Variants in ACVR1 observed in about 807,000 individuals in gnomAD.
The protein encoded by ACVR1 is activin A receptor type 1, also known as activin receptor type-1.
Under a neutral mutation model 57.1 loss-of-function variants are expected in ACVR1, and 38 were observed. The ratio of observed to expected loss-of-function variants is 0.67; its 90% CI spans 0.51 to 0.87. The LOEUF (loss-of-function observed/expected upper bound fraction) is 0.87. Ranked by LOEUF, ACVR1 falls within the 40% of genes least tolerant of loss-of-function variation. ACVR1 has a pLI of 0.00. For missense variants in ACVR1, 463 were observed against 638.2 expected (o/e 0.73, Z 2.96); for synonymous variants, 212 against 228.1 (o/e 0.93, Z 0.63).
intron 2 of ACVR1, among the ~76,000 whole-genome samples, chr2:157,817,157 C>A (rs1687969450): frequency 6.6e-6 from 1 of 151,946 alleles, no homozygotes; most frequent in Non-Finnish European, 1.5e-5. Context: ...GAGACGGAGT[C>A]TCACTATGTT....
chr2:157,820,572 CTCTT>C (rs1425697349), intron 1 of ACVR1, among the ~76,000 whole-genome samples: 4 of 151,610 alleles, frequency 2.6e-5, no homozygotes, highest in Non-Finnish European at 5.9e-5. Flanking sequence ...GAGACTCTCT[CTCTT>C]TTTTTTTTTT....
At chr2:157,780,279 G>A (rs1686454576) in intron 4 of ACVR1, 58 bp downstream of exon 4, 8 of 1,611,192 alleles carry the variant, frequency 5.0e-6, no homozygotes, top group East Asian at 4.5e-5. Context: ...AACCCACACG[G>A]ACCCAGGACA....
chr2:157,738,480 T>A lies in ACVR1; in HGVS notation c.1355A>T (p.Gln452Leu), dbSNP rs756022457. The A allele has an allele frequency of 1.2e-6, 2 of 1,613,970 alleles. No individual in the cohort carries two copies. The highest frequency in any genetic ancestry group is 2.2e-5 in the South Asian group (2 of 91,068). Residue 452 changes from glutamine to leucine, a missense_variant, in exon 10 of 11, where the codon CAA (glutamine) becomes CTA (leucine). Gln to Leu is a moderately radical substitution (Grantham distance 113). Transcript: ENST00000434821. Reference sequence around the variant, plus strand: ...TCTGTTGGGTATGTTTGGCCTTTGTTGATCCACACAGACTACCTTCCTCAT... The same window carrying A: ...TCTGTTGGGTATGTTTGGCCTTTGTAGATCCACACAGACTACCTTCCTCAT... ...EDMRKVVCVD[Q>L]QRPNIPNRWF...
intron 2 of ACVR1, among the ~76,000 whole-genome samples, chr2:157,812,756 A>T (rs901938800): frequency 2.6e-5 from 4 of 152,246 alleles, no homozygotes; most frequent in African/African-American, 9.6e-5. Context: ...CAAACTGAAG[A>T]AATTGTTTTT....
chr2:157,816,672 C>T (rs929995924), intron 2 of ACVR1, among the ~76,000 whole-genome samples: 4 of 152,082 alleles, frequency 2.6e-5, no homozygotes, highest in African/African-American at 9.7e-5. Flanking sequence ...AAAAAGAATG[C>T]ACCTAACAGC....
chr2:157,763,092 G>A (rs1685725152), intron 8 of ACVR1, among the ~76,000 whole-genome samples: 1 of 152,194 alleles, frequency 6.6e-6, no homozygotes, highest in Admixed American at 6.5e-5. Flanking sequence ...ACAACCGGAT[G>A]CAATTTGTAA....
chr2:157,737,114 A>G lies in ACVR1; in HGVS notation c.*417T>C, dbSNP rs1684561117. The stretch of plus-strand genomic sequence containing the variant: ...GAATGCAAAGAATTCCTAGTGCAAT[A>G]AAGAAGAGAAGCACAGGCAATATTG... On this transcript the variant is annotated 3_prime_UTR_variant, in exon 11 of 11. Coordinates refer to ENST00000434821, the MANE Select transcript of ACVR1 (RefSeq NM_001111067.4). 3.2e-6 allele frequency: 1 copy of G among 308,094 alleles called. No individual in the cohort carries two copies. Among genetic ancestry groups the G allele is most frequent in the Non-Finnish European group, 6.1e-6 (1 of 165,104 alleles). 19.1% of individuals were successfully genotyped at this position (308,094 alleles called of 1,614,324 possible). A position where few individuals can be genotyped will look rare whatever the true frequency, so the allele number is the denominator to read the frequency against.
At chr2:157,743,148 G>A (rs551532130) in intron 9 of ACVR1, among the ~76,000 whole-genome samples, 96 of 152,150 alleles carry the variant, frequency 6.3e-4, no homozygotes, top group Non-Finnish European at 1.1e-3. Context: ...AACTGTCATC[G>A]TGGTCAAGTT....
chr2:157,871,619 G>A (rs1257561704), intron 1 of ACVR1, among the ~76,000 whole-genome samples: 1 of 152,212 alleles, frequency 6.6e-6, no homozygotes. Flanking sequence ...TGGTCAGAGA[G>A]TGAAACCCAA....
At chr2:157,818,140 G>T (rs1390411187) in intron 2 of ACVR1, among the ~76,000 whole-genome samples, 6 of 152,100 alleles carry the variant, frequency 3.9e-5, no homozygotes, top group African/African-American at 1.2e-4. Flanking sequence ...AAGAATAGCT[G>T]TGCAGATCCA....
At chr2:157,834,234 G>A (rs1253439376) in intron 1 of ACVR1, among the ~76,000 whole-genome samples, 1 of 152,154 alleles carries the variant, frequency 6.6e-6, no homozygotes, top group East Asian at 1.9e-4. Context: ...TGGGATTACA[G>A]GTGCGTGCCA....
At chr2:157,745,167 T>G (rs960846735) in intron 9 of ACVR1, among the ~76,000 whole-genome samples, 25 of 152,218 alleles carry the variant, frequency 1.6e-4, no homozygotes, top group Admixed American at 6.5e-5. Context: ...TACTGTGTAG[T>G]TGGACCCTAC....
chr2:157,809,985 A>C (rs1687697094), intron 2 of ACVR1, among the ~76,000 whole-genome samples: 1 of 152,168 alleles, frequency 6.6e-6, no homozygotes, highest in South Asian at 2.1e-4. Context: ...CTGGGACGAC[A>C]AGATTACTTG....
At chr2:157,761,377 G>A (rs1459059898) in intron 8 of ACVR1, among the ~76,000 whole-genome samples, 14 of 152,118 alleles carry the variant, frequency 9.2e-5, no homozygotes, top group Non-Finnish European at 4.4e-5. Flanking sequence ...TGTGTTTGAG[G>A]TCCACAGGAA....
At position 157,780,426 on chromosome 2, in the gene ACVR1, C is replaced by T; in HGVS notation, c.242G>A (p.Cys81Tyr). 1.9e-6 allele frequency: 3 copies of T among 1,614,184 alleles called. No individual in the cohort carries two copies. The highest frequency in any genetic ancestry group is 2.5e-6 in the Non-Finnish European group (3 of 1,180,030). ...FQVYEQGKMT[C>Y]KTPPSPGQAV... is the part of the protein sequence containing the mutation. Reference sequence around the variant, plus strand: ...TTGGCCAGGGGACGGCGGGGTCTTACAGGTCATCTTTCCCTGCTCATAAAC... The same window carrying T: ...TTGGCCAGGGGACGGCGGGGTCTTATAGGTCATCTTTCCCTGCTCATAAAC... The change falls in exon 4 of 11, where the codon TGT (cysteine) becomes TAT (tyrosine). Residue 81 changes from cysteine (C) to tyrosine (Y), a missense_variant. Transcript: ENST00000434821.
intron 2 of ACVR1, among the ~76,000 whole-genome samples, chr2:157,806,020 G>T (rs1687532498): frequency 6.6e-6 from 1 of 151,526 alleles, no homozygotes; most frequent in Non-Finnish European, 1.5e-5. Context: ...TAGAGGTGGG[G>T]TTTCACCATG....
intron 1 of ACVR1, among the ~76,000 whole-genome samples, chr2:157,865,477 T>C (rs1689880649): frequency 6.6e-6 from 1 of 152,072 alleles, no homozygotes; most frequent in Non-Finnish European, 1.5e-5. Flanking sequence ...ACACAGGAGA[T>C]AGATGATTGA....
intron 2 of ACVR1, among the ~76,000 whole-genome samples, chr2:157,810,623 C>A (rs72999457): frequency 0.024 from 3,579 of 152,280 alleles, 138 homozygotes; most frequent in African/African-American, 0.081. Flanking sequence ...CAGTGGGGGG[C>A]CTAAGCACAT....
At chr2:157,860,717 A>G (rs932272163) in intron 1 of ACVR1, among the ~76,000 whole-genome samples, 1 of 152,160 alleles carries the variant, frequency 6.6e-6, no homozygotes, top group Non-Finnish European at 1.5e-5. Context: ...GAAAATATAA[A>G]TCTAATAATG....
Sources: gnomAD v4.1 joint callset for allele counts (sites outside exome capture counted in the v4.1 genomes callset) on GRCh38, gnomAD v4.1.1 for gene constraint, MANE v1.5 for transcripts, NCBI Gene and HGNC (gene_info 2026-07-23, HGNC 2026-07-21) for gene names.